The following PAGE1 variants were observed in gnomAD, a reference collection of about 807,000 sequenced individuals.
PAGE1 encodes PAGE family member 1, also known as P antigen family member 1.
Under a neutral mutation model 11.5 loss-of-function variants are expected in PAGE1, and 6 were observed. That is an observed-to-expected ratio of 0.52 (90% CI 0.29 to 1.03). PAGE1 has a LOEUF of 1.03. PAGE1 is among the 50% of genes least tolerant of loss of function. PAGE1 has a pLI of 0.09. For synonymous variants in PAGE1, 42 were observed against 40.2 expected (o/e 1.05, Z -0.17); for missense variants, 120 against 110.2 (o/e 1.09, Z -0.40).
intron 4 of PAGE1, among the ~76,000 whole-genome samples, chrX:49,689,819 C>CAT (rs201041482): frequency 7.3e-5 from 4 of 55,136 alleles, no homozygotes; most frequent in African/African-American, 2.2e-4. Context: ...TATATACACA[C>CAT]ATATATGTGT....
chrX:49,693,402 A>G (rs2066928040), intron 3 of PAGE1, among the ~76,000 whole-genome samples: 1 of 112,210 alleles, frequency 8.9e-6, no homozygotes, highest in Admixed American at 9.5e-5. Flanking sequence ...CCTGAGTTAG[A>G]TAATTGTTTT....
At chrX:49,687,598 TAGC>T (rs782522680) in intron 5 of PAGE1, 35 bp from the exon 6 acceptor site, 1 of 1,170,290 alleles carries the variant, frequency 8.5e-7, no homozygotes, top group South Asian at 1.9e-5. Context: ...GAAGATGATT[TAGC>T]AGCAGATTAT....
Position 49,694,162 on chromosome X carries a change from T to C in PAGE1, c.103A>G (p.Thr35Ala). 8.4e-7 allele frequency: 1 copy of C among 1,190,247 alleles called. No homozygotes were observed. Among genetic ancestry groups the C allele is most frequent in the Non-Finnish European group, 1.1e-6 (1 of 882,944 alleles). Residue 35 changes from threonine to alanine, a missense_variant, in exon 3 of 6, where the codon ACT (threonine) becomes GCT (alanine). Transcript: ENST00000376150. ...GCAGGTGTAGAATCCTGACTTTGAG[T>C]TGGTGATTCCACTTCGTCAGGTTGC... ...DEQPDEVESPTQSQDSTPAEE... is the reference protein window; with the variant it reads ...DEQPDEVESPAQSQDSTPAEE...
At chrX:49,690,666 A>C (rs1217995032) in intron 4 of PAGE1, among the ~76,000 whole-genome samples, 3 of 111,682 alleles carry the variant, frequency 2.7e-5, no homozygotes, top group African/African-American at 9.8e-5. Context: ...CTAGAAACAC[A>C]TGACAAGCAC....
chrX:49,691,082 G>A (rs1335760889), intron 4 of PAGE1, among the ~76,000 whole-genome samples, 167 bp downstream of exon 4: 1 of 111,415 alleles, frequency 9.0e-6, no homozygotes. Flanking sequence ...GGAGGCTGAG[G>A]CAGGAGAATC....
In PAGE1 at chrX:49,692,753, A is replaced by G. The variant is rs187431524; in HGVS notation, c.166+1346T>C. 1.2e-4 allele frequency among the ~76,000 whole-genome samples: 13 copies of G among 110,606 alleles called. No homozygotes were observed. In the East Asian group the frequency reaches 3.7e-3, roughly 31 times the overall value. ...ACCAGCAGCTAAGAACAAACTTTACATGTTTGTTTTCCTATATAACGAAAC... is the reference window on the plus strand; with the variant it reads ...ACCAGCAGCTAAGAACAAACTTTACGTGTTTGTTTTCCTATATAACGAAAC... On this transcript the variant is annotated intron_variant, in intron 3 of 5. Coordinates refer to ENST00000376150, the MANE Select transcript of PAGE1 (RefSeq NM_003785.4).
At chrX:49,690,869 C>CA (rs781913120) in intron 4 of PAGE1, among the ~76,000 whole-genome samples, 424 of 61,475 alleles carry the variant, frequency 6.9e-3, no homozygotes, top group African/African-American at 0.01. Flanking sequence ...TACTAAAATA[C>CA]AAAAAAAAAA....
At chrX:49,695,676 G>A (rs916707443) in intron 1 of PAGE1, among the ~76,000 whole-genome samples, 193 bp downstream of exon 1, 1 of 112,074 alleles carries the variant, frequency 8.9e-6, no homozygotes, top group Non-Finnish European at 1.9e-5. Context: ...GCCCCTTCAC[G>A]ACCACAAAGC....
intron 3 of PAGE1, among the ~76,000 whole-genome samples, chrX:49,692,901 T>G (rs909369): frequency 0.026 from 2,918 of 111,150 alleles, 59 homozygotes; most frequent in African/African-American, 0.07. Context: ...GACTATGATT[T>G]CACAGCACTA....
intron 4 of PAGE1, among the ~76,000 whole-genome samples, chrX:49,689,744 GTATA>G (rs199757078): frequency 3.7e-5 from 2 of 54,065 alleles, no homozygotes; most frequent in Non-Finnish European, 3.0e-5. Flanking sequence ...ACACATATAT[GTATA>G]TGTGTATATA....
At chrX:49,691,041 G>A (rs1201156909) in intron 4 of PAGE1, among the ~76,000 whole-genome samples, 2 of 111,231 alleles carry the variant, frequency 1.8e-5, no homozygotes, top group Non-Finnish European at 3.8e-5. Flanking sequence ...AGGTGCCTGT[G>A]GTGGCATACG....
chrX:49,689,517 C>T lies in PAGE1; in HGVS notation c.319G>A (p.Glu107Lys), dbSNP rs782686501. 1.3e-4 allele frequency: 108 copies of T among 816,996 alleles called. No homozygotes were observed. Among genetic ancestry groups the T allele is most frequent in the Non-Finnish European group, 2.0e-5 (13 of 657,235 alleles). 67.3% of individuals were successfully genotyped at this position (816,996 alleles called of 1,213,427 possible). The stretch of plus-strand genomic sequence containing the variant: ...CACCCAGTCTTCGGGTGAACCTGTT[C>T]CTGGCTATCCGCTTCAGGCTCTGGC... ...EGPEPEADSQ[E>K]QVHPKTGCER... The change falls in exon 5 of 6, where the codon GAA becomes AAA. Residue 107 changes from glutamate (E) to lysine (K), a missense_variant. Transcript: ENST00000376150.
chrX:49,688,782 A>G (rs1351445579), intron 5 of PAGE1, among the ~76,000 whole-genome samples: 1 of 112,229 alleles, frequency 8.9e-6, no homozygotes, highest in Non-Finnish European at 1.9e-5. Flanking sequence ...TCCGTGCTTC[A>G]GCATATTTCA....
chrX:49,689,744 GTATATGTGTATATATACA>G (rs2066903877), intron 4 of PAGE1, among the ~76,000 whole-genome samples: 3 of 54,061 alleles, frequency 5.5e-5, no homozygotes, highest in East Asian at 6.5e-4. Context: ...ACACATATAT[GTATATGTGTATATATACA>G]TATATATGTG....
intron 4 of PAGE1, among the ~76,000 whole-genome samples, chrX:49,689,927 GGGTGTATATATAT>G (rs2066908956): frequency 1.4e-3 from 1 of 706 alleles, no homozygotes; most frequent in Non-Finnish European, 2.3e-3. Context: ...CACATATATA[GGGTGTATATATAT>G]GTGTGTATAT....
At chrX:49,690,901 C>T (rs1239062928) in intron 4 of PAGE1, among the ~76,000 whole-genome samples, 2 of 109,777 alleles carry the variant, frequency 1.8e-5, no homozygotes, top group African/African-American at 6.6e-5. Context: ...ATTTATTTGT[C>T]AGGCACTGTG....
intron 4 of PAGE1, among the ~76,000 whole-genome samples, chrX:49,690,087 ATGTG>A (rs1258981260): frequency 7.2e-5 from 4 of 55,586 alleles, no homozygotes; most frequent in Admixed American, 2.1e-4. Context: ...ATGTGTATAT[ATGTG>A]TATATATGTG....
chrX:49,695,700 G>A (rs1230213655), intron 1 of PAGE1, among the ~76,000 whole-genome samples, 169 bp downstream of exon 1: 2 of 111,937 alleles, frequency 1.8e-5, no homozygotes, highest in Non-Finnish European at 3.8e-5. Context: ...TGGCGGCGTC[G>A]CAGCCTGTGA....
At position 49,694,755 on chromosome X, in the gene PAGE1, T is replaced by C. The variant is rs782572286; in HGVS notation, c.16A>G (p.Arg6Gly). The C allele has an allele frequency of 1.3e-5, 16 of 1,188,562 alleles. No homozygotes were observed. The South Asian group carries it at 2.7e-4, about 20-fold the overall frequency. The change falls in exon 2 of 6, where the codon AGA becomes GGA. Residue 6 changes from arginine to glycine, a missense_variant. Physicochemically the swap from Arg to Gly is moderately radical, Grantham distance 125. Coordinates refer to ENST00000376150, the MANE Select transcript of PAGE1 (RefSeq NM_003785.4). MGFLR[R>G]LIYRRRPMIY... ...ATTGGTCTACGCCGATAGATTAATC[T>C]TCTTAGAAAACCCATATTTCACACT... is the stretch of plus-strand genomic sequence containing the variant.
Sources: allele counts gnomAD v4.1 joint callset (sites outside exome capture counted in the v4.1 genomes callset), GRCh38; gene constraint gnomAD v4.1.1; transcripts MANE v1.5; gene names NCBI Gene and HGNC (gene_info 2026-07-23, HGNC 2026-07-21).